The following EXTL2 variants were observed in gnomAD, a reference collection of about 807,000 sequenced individuals.
The protein encoded by EXTL2 is exostosin-like 2.
A neutral mutation model predicts 30.7 loss-of-function variants in EXTL2; 23 were observed. The ratio of observed to expected loss-of-function variants is 0.75; its 90% confidence interval spans 0.54 to 1.06. EXTL2 has a LOEUF of 1.06. Ranked by LOEUF, EXTL2 falls within the 50% of genes least tolerant of loss-of-function variation. EXTL2 has a pLI of 0.00. For missense variants in EXTL2, 352 were observed against 396.3 expected (o/e 0.89, Z 0.95); for synonymous variants, 123 against 133.8 (o/e 0.92, Z 0.56).
chr1:100,882,073 G>A (rs1649603613), intron 2 of EXTL2, among the ~76,000 whole-genome samples: 1 of 152,156 alleles, frequency 6.6e-6, no homozygotes, highest in South Asian at 2.1e-4. Context: ...GATCTGAGGT[G>A]GAACAGTTTT....
chr1:100,893,058 G>A (rs1429392014), intron 1 of EXTL2, among the ~76,000 whole-genome samples: 2 of 152,114 alleles, frequency 1.3e-5, no homozygotes, highest in African/African-American at 4.8e-5. Flanking sequence ...CTGAGCAGCT[G>A]GGGTTTTTCC....
At chr1:100,883,533 T>C (rs1649729168) in intron 2 of EXTL2, among the ~76,000 whole-genome samples, 1 of 152,228 alleles carries the variant, frequency 6.6e-6, no homozygotes, top group Non-Finnish European at 1.5e-5. Context: ...TAGCATAATG[T>C]TTTTGAGGTT....
At position 100,873,419 on chromosome 1, in the gene EXTL2, C is replaced by G. The variant is rs571659626; in HGVS notation, c.*523G>C. The G allele has an allele frequency of 6.6e-6, 1 of 152,560 alleles. No individual in the cohort carries two copies. Among genetic ancestry groups the G allele is most frequent in the South Asian group, 2.1e-4 (1 of 4,818 alleles). The allele number at this position is 152,560 out of a possible 1,614,324, so 9.5% of individuals were successfully genotyped here. On this transcript the variant is annotated 3_prime_UTR_variant, in exon 5 of 5. Transcript: ENST00000370114. ...CTGGACTGAGTTCGTCCTGGAAGAG[C>G]TGGTTGGCAGGGCCACAAGGAAAGC...
intron 1 of EXTL2, among the ~76,000 whole-genome samples, chr1:100,892,503 CT>C (rs1207728564): frequency 2.0e-5 from 3 of 152,198 alleles, no homozygotes. Flanking sequence ...GATTGAGCCA[CT>C]ACTGGCTTTG....
chr1:100,872,378 CAG>C (rs1217205209), downstream of EXTL2: 2 of 152,398 alleles, frequency 1.3e-5, no homozygotes, highest in Non-Finnish European at 2.9e-5. Context: ...TTAGTTAACA[CAG>C]AACACATGGA....
intron 1 of EXTL2, among the ~76,000 whole-genome samples, chr1:100,892,046 T>C (rs1036207093): frequency 6.6e-6 from 1 of 152,186 alleles, no homozygotes; most frequent in Non-Finnish European, 1.5e-5. Context: ...TTTCAAGAAA[T>C]GTGTATGGGT....
chr1:100,877,966 G>GT lies in EXTL2; in HGVS notation c.6-64dup, dbSNP rs957653185. ...TTCTTACGAGTCCCTGTGTTTTCAT[G>GT]TTTTTTTCCAATGAGGAAAGATATC... On this transcript the variant is annotated intron_variant, in intron 2 of 4. Transcript: ENST00000370114. This position sits in a 1 kb window ranked among gnomAD's most constrained non-coding sequence, Gnocchi z 4.1. 7.8e-6 allele frequency: 10 copies of GT among 1,278,778 alleles called. No individual in the cohort carries two copies. The highest frequency in any genetic ancestry group is 5.8e-5 in the South Asian group (4 of 68,534). 79.2% of individuals were successfully genotyped at this position (1,278,778 alleles called of 1,614,324 possible). A position where few individuals can be genotyped will look rare whatever the true frequency, so the allele number is the denominator to read the frequency against.
chr1:100,883,780 G>A (rs567961797), intron 2 of EXTL2, among the ~76,000 whole-genome samples: 2 of 151,966 alleles, frequency 1.3e-5, no homozygotes, highest in African/African-American at 4.8e-5. Context: ...AGAATTGCTG[G>A]GTCATTATGT....
intron 1 of EXTL2, among the ~76,000 whole-genome samples, chr1:100,889,815 C>G (rs1290217494): frequency 6.6e-6 from 1 of 152,234 alleles, no homozygotes; most frequent in Non-Finnish European, 1.5e-5. Flanking sequence ...TCTTGGGAAG[C>G]TGTACTCCTG....
intron 4 of EXTL2, among the ~76,000 whole-genome samples, chr1:100,876,152 C>T (rs1649101510): frequency 6.6e-6 from 1 of 152,004 alleles, no homozygotes; most frequent in African/African-American, 2.4e-5. Flanking sequence ...CGAAGTACTT[C>T]CATGCAGTTC....
intron 1 of EXTL2, among the ~76,000 whole-genome samples, chr1:100,890,961 G>A (rs1405546877): frequency 2.6e-5 from 4 of 152,194 alleles, no homozygotes; most frequent in Admixed American, 6.5e-5. Context: ...ACCTGCTGAG[G>A]TGCTTGCTGA....
At chr1:100,874,508 C>A in intron 4 of EXTL2, 78 bp from the exon 5 acceptor site, 2 of 1,176,546 alleles carry the variant, frequency 1.7e-6, no homozygotes, top group Non-Finnish European at 2.4e-6. Context: ...TGATTTATTA[C>A]AGAGAGAATG....
chr1:100,878,736 T>C (rs1649325771), intron 2 of EXTL2, among the ~76,000 whole-genome samples: 1 of 152,110 alleles, frequency 6.6e-6, no homozygotes, highest in Non-Finnish European at 1.5e-5. Context: ...ATTTAATAGT[T>C]TAGATGCTTA....
intron 1 of EXTL2, 64 bp from the exon 2 acceptor site, chr1:100,888,892 A>G (rs1650189444): frequency 1.7e-6 from 1 of 581,484 alleles, no homozygotes; most frequent in African/African-American, 1.8e-5. Flanking sequence ...ATTTAAAAAC[A>G]AAACAAAAAA....
At position 100,874,193 on chromosome 1, in the gene EXTL2, T is replaced by C. The variant is rs752406560; in HGVS notation, c.742A>G (p.Met248Val). 2.5e-6 allele frequency: 4 copies of C among 1,613,026 alleles called. No homozygotes were observed. Among genetic ancestry groups the C allele is most frequent in the Non-Finnish European group, 3.4e-6 (4 of 1,179,470 alleles). Residue 248 changes from methionine (M) to valine (V), a missense_variant, in exon 5 of 5, where the codon ATG (methionine) becomes GTG (valine). Met to Val is a conservative substitution (Grantham distance 21, BLOSUM62 1). Transcript: ENST00000370114. ...ATATGCTTGGCAATGATAAAATTCA[T>C]GGCAATATCATCACAGTTTTGAGTA... ...DDTQNCDDIA[M>V]NFIIAKHIGK...
In EXTL2 at chr1:100,877,851, G is replaced by A. The variant is rs1402213062; in HGVS notation, c.58C>T (p.Arg20Ter). Reference sequence around the variant, plus strand: ...ACGAGGATGACCACCAAAGATAATCGAAGCACTCGAATCCCCATTACTCTC... The same window carrying A: ...ACGAGGATGACCACCAAAGATAATCAAAGCACTCGAATCCCCATTACTCTC... ...PGRVMGIRVLRLSLVVILVLL... is the reference protein window; with the variant it reads ...PGRVMGIRVL The change falls in exon 3 of 5, where the codon CGA (arginine) becomes TGA (stop). Residue 20 changes from arginine to a stop codon, truncating the protein, a stop_gained. Coordinates refer to ENST00000370114, the MANE Select transcript of EXTL2 (RefSeq NM_001033025.3). LOFTEE classifies it high-confidence loss of function. The surrounding 1 kb of genome is among the most constrained non-coding windows in gnomAD (Gnocchi z 4.1). The A allele has an allele frequency of 2.5e-6, 4 of 1,600,012 alleles. No individual in the cohort carries two copies. Among genetic ancestry groups the A allele is most frequent in the African/African-American group, 1.3e-5 (1 of 74,820 alleles).
Position 100,873,315 on chromosome 1 carries a change from T to C in EXTL2, c.*627A>G, listed in dbSNP as rs1356248576. 6.6e-6 allele frequency: 1 copy of C among 152,138 alleles called. No homozygotes were observed. The highest frequency in any genetic ancestry group is 1.5e-5 in the Non-Finnish European group (1 of 68,008). 9.4% of individuals were successfully genotyped at this position (152,138 alleles called of 1,614,324 possible). ...ATATCAAGCAAACAACTAGACGTTC[T>C]TCAGCTACTAAAATTAACTGTCCCA... is the stretch of plus-strand genomic sequence containing the variant. On this transcript the variant is annotated 3_prime_UTR_variant, in exon 5 of 5. Transcript: ENST00000370114.
chr1:100,887,901 G>A (rs1570472405), intron 2 of EXTL2, among the ~76,000 whole-genome samples: 4 of 152,134 alleles, frequency 2.6e-5, no homozygotes, highest in South Asian at 2.1e-4. Flanking sequence ...GGGTTTCACC[G>A]TATTAGCCAG....
intron 2 of EXTL2, among the ~76,000 whole-genome samples, chr1:100,884,606 G>A (rs1649820563): frequency 6.6e-6 from 1 of 152,146 alleles, no homozygotes; most frequent in South Asian, 2.1e-4. Flanking sequence ...TACATACAGT[G>A]AGCCGATCCA....
Sources: gnomAD v4.1 joint callset for allele counts (sites outside exome capture counted in the v4.1 genomes callset) on GRCh38, gnomAD v4.1.1 for gene constraint, Gnocchi (gnomAD v3.1) non-coding constraint, MANE v1.5 for transcripts, NCBI Gene and HGNC (gene_info 2026-07-23, HGNC 2026-07-21) for gene names.